NVL: variants seen among roughly 807,000 people sequenced by gnomAD.
NVL encodes the protein nuclear VCP like.
A neutral mutation model predicts 110.2 loss-of-function variants in NVL; 84 were observed. The ratio of observed to expected loss-of-function variants is 0.76; its 90% CI spans 0.64 to 0.91. The LOEUF (loss-of-function observed/expected upper bound fraction) is 0.91, where lower values mean the gene tolerates loss of function less well. NVL is among the 40% of genes least tolerant of loss of function. The pLI is 0.00. For missense variants in NVL, 882 were observed against 1,035.9 expected (o/e 0.85, Z 2.04); for synonymous variants, 354 against 361.1 (o/e 0.98, Z 0.22).
chr1:224,257,825 T>C (rs1663464622), intron 18 of NVL, among the ~76,000 whole-genome samples: 1 of 152,014 alleles, frequency 6.6e-6, no homozygotes, highest in African/African-American at 2.4e-5. Flanking sequence ...CAGGCATGAG[T>C]CACTGCACTG....
At chr1:224,259,957 A>G (rs1295541886) in intron 18 of NVL, among the ~76,000 whole-genome samples, 1 of 152,134 alleles carries the variant, frequency 6.6e-6, no homozygotes, top group African/African-American at 2.4e-5. Context: ...GGCATGAGCC[A>G]TCGCATCCAG....
chr1:224,312,142 C>T (rs930791186), intron 4 of NVL: 4 of 244,068 alleles, frequency 1.6e-5, no homozygotes, highest in Admixed American at 5.5e-5. Context: ...TATGCATTTA[C>T]AAAATATAAT....
At chr1:224,319,974 T>C in intron 2 of NVL, among the ~76,000 whole-genome samples, 1 of 152,086 alleles carries the variant, frequency 6.6e-6, no homozygotes, top group East Asian at 1.9e-4. Flanking sequence ...AATTGAGGGA[T>C]ATTCTATATA....
At chr1:224,316,492 C>T (rs1257008326) in intron 4 of NVL, among the ~76,000 whole-genome samples, 2 of 151,794 alleles carry the variant, frequency 1.3e-5, no homozygotes, top group Non-Finnish European at 2.9e-5. Flanking sequence ...TTGAGACCAA[C>T]CTGGGCAACA....
chr1:224,308,005 T>C lies in NVL; in HGVS notation c.601A>G (p.Ile201Val), dbSNP rs35056350. The C allele has an allele frequency of 7.5e-4, 1,147 of 1,529,746 alleles. 7 individuals carry two copies. In the African/African-American group the frequency reaches 0.014, roughly 18 times the overall value. 94.8% of individuals were successfully genotyped at this position (1,529,746 alleles called of 1,614,324 possible). A position where few individuals can be genotyped will look rare whatever the true frequency, so the allele number is the denominator to read the frequency against. ...SCEKSNPKKPITEIQDSKDSS... is the reference protein window; with the variant it reads ...SCEKSNPKKPVTEIQDSKDSS... ...TACAAAAATACCTGTATCTCAGTTA[T>C]TGGCTTCTTAGGATTACTTTTCTCA... is the stretch of plus-strand genomic sequence containing the variant. The change falls in exon 6 of 23, where the codon ATA becomes GTA. Residue 201 changes from isoleucine (I) to valine (V), a missense_variant. By Grantham distance (29) the Ile-to-Val change is conservative (BLOSUM62 3). This residue lies in a region of NVL where 274 missense variants were observed against 268.4 expected (regional missense o/e 1.02). Coordinates refer to ENST00000281701, the MANE Select transcript of NVL (RefSeq NM_002533.4).
At chr1:224,302,225 A>G (rs1305189754) in intron 9 of NVL, among the ~76,000 whole-genome samples, 2 of 151,460 alleles carry the variant, frequency 1.3e-5, no homozygotes, top group Non-Finnish European at 2.9e-5. Context: ...TTTTTGAGAT[A>G]GAGTCTGGCT....
chr1:224,316,148 T>G (rs1332633663), intron 4 of NVL, among the ~76,000 whole-genome samples: 1 of 152,012 alleles, frequency 6.6e-6, no homozygotes, highest in Non-Finnish European at 1.5e-5. Context: ...CATTCCAGCC[T>G]GAGCAACAAA....
At chr1:224,257,461 G>T (rs1033083360) in intron 18 of NVL, among the ~76,000 whole-genome samples, 2 of 152,072 alleles carry the variant, frequency 1.3e-5, no homozygotes, top group African/African-American at 4.8e-5. Context: ...CAATTCAATG[G>T]GGGACTAATT....
At chr1:224,305,247 T>C in intron 6 of NVL, 81 bp from the exon 7 acceptor site, 1 of 1,400,682 alleles carries the variant, frequency 7.1e-7, no homozygotes, top group Admixed American at 2.4e-5. Context: ...AGGGGCATTG[T>C]AAAGAAAATT....
intron 6 of NVL, chr1:224,305,615 C>T (rs761828979): frequency 3.8e-5 from 6 of 157,110 alleles, no homozygotes; most frequent in Non-Finnish European, 8.4e-5. Context: ...TGGAGTGCAA[C>T]AGCGCGATCT....
intron 10 of NVL, 59 bp downstream of exon 10, chr1:224,300,503 G>A: frequency 8.3e-7 from 1 of 1,211,458 alleles, no homozygotes; most frequent in Admixed American, 2.1e-5. Flanking sequence ...GAAAAAGCAG[G>A]ATCTTTAATA....
chr1:224,292,361 T>G (rs2102644894), intron 12 of NVL, among the ~76,000 whole-genome samples: 1 of 152,352 alleles, frequency 6.6e-6, no homozygotes, highest in Middle Eastern at 3.4e-3. Flanking sequence ...CTTTGTAGTA[T>G]TATGATCACT....
chr1:224,306,491 C>T (rs1158924512), intron 6 of NVL, among the ~76,000 whole-genome samples: 1 of 152,106 alleles, frequency 6.6e-6, no homozygotes, highest in Non-Finnish European at 1.5e-5. Flanking sequence ...TGGTCTCAAT[C>T]TCCTGACCTC....
intron 18 of NVL, among the ~76,000 whole-genome samples, chr1:224,262,480 G>C (rs779133324): frequency 1.3e-5 from 2 of 152,050 alleles, no homozygotes; most frequent in Non-Finnish European, 2.9e-5. Flanking sequence ...CCAGCAAAAT[G>C]AGGGTGTAAG....
chr1:224,316,983 T>TA (rs1395771022), intron 4 of NVL, among the ~76,000 whole-genome samples: 2 of 151,634 alleles, frequency 1.3e-5, no homozygotes, highest in African/African-American at 2.4e-5. Flanking sequence ...ACCAAAAATA[T>TA]AAAAAATTAG....
intron 18 of NVL, among the ~76,000 whole-genome samples, chr1:224,263,980 G>A (rs922777170): frequency 8.5e-5 from 13 of 152,098 alleles, no homozygotes; most frequent in African/African-American, 2.4e-4. Context: ...ATGCCACTGC[G>A]CTCCAGTCTG....
intron 17 of NVL, chr1:224,269,935 TC>T (rs1234515133): frequency 9.0e-5 from 1 of 11,094 alleles, no homozygotes; most frequent in Non-Finnish European, 1.5e-4. Flanking sequence ...TCTTTTTCTT[TC>T]TTTTTTTTTT....
intron 19 of NVL, 41 bp from the exon 20 acceptor site, chr1:224,236,623 A>G (rs772742668): frequency 5.7e-5 from 87 of 1,535,826 alleles, no homozygotes; most frequent in Non-Finnish European, 7.3e-5. Context: ...GGAGCTTTAA[A>G]GACCATGCCG....
At chr1:224,306,152 G>C (rs1207777099) in intron 6 of NVL, among the ~76,000 whole-genome samples, 1 of 152,228 alleles carries the variant, frequency 6.6e-6, no homozygotes, top group Non-Finnish European at 1.5e-5. Context: ...AGCTACTTGA[G>C]AGGCAGAAGG....
Sources: allele counts gnomAD v4.1 joint callset (sites outside exome capture counted in the v4.1 genomes callset), GRCh38; gene constraint gnomAD v4.1.1; regional missense constraint gnomAD v4.1.1; transcripts MANE v1.5; gene names NCBI Gene and HGNC (gene_info 2026-07-23, HGNC 2026-07-21).